CBY1: variants seen among roughly 807,000 people sequenced by gnomAD.
CBY1 encodes the protein protein chibby homolog 1.
In CBY1, 10 loss-of-function variants were observed where a neutral mutation model predicts 15.6. That is an observed-to-expected ratio of 0.64 (90% CI 0.40 to 1.09). CBY1 has a LOEUF of 1.09. Ranked by LOEUF, CBY1 falls within the 50% of genes least tolerant of loss-of-function variation. The pLI, the probability that CBY1 is intolerant of heterozygous loss-of-function variation, is 0.01. For missense variants in CBY1, 150 were observed against 160.5 expected, an observed-to-expected ratio of 0.93 and a Z score of 0.35; for synonymous variants, 61 against 63.5, an observed-to-expected ratio of 0.96 and a Z score of 0.19.
intron 1 of CBY1, among the ~76,000 whole-genome samples, chr22:38,663,855 C>T (rs1398464360): frequency 1.3e-5 from 2 of 151,540 alleles, no homozygotes; most frequent in African/African-American, 2.4e-5. Context: ...AACCCCATCT[C>T]TACTAAAAAC....
chr22:38,671,372 G>A (rs1347538573), intron 4 of CBY1, 184 bp downstream of exon 4: 4 of 589,038 alleles, frequency 6.8e-6, no homozygotes, highest in East Asian at 5.7e-5. Context: ...CAGGTGGACC[G>A]ACCGTAAGCA....
In CBY1 at chr22:38,666,219, T is replaced by TTATA. The variant is rs1434478693; in HGVS notation, c.-38-1786_-38-1783dup. On this transcript the variant is annotated intron_variant, in intron 1 of 4. Transcript: ENST00000216029. Reference sequence around the variant, plus strand: ...TGTGGTAGACTTTTCTGTATTAATGTTATATATATATATATTTTTTTTTCT... The same window carrying TTATA: ...TGTGGTAGACTTTTCTGTATTAATGTTATATATATATATATATATTTTTTTTTCT... Among the ~76,000 whole-genome samples, 923 of 129,136 alleles carry TTATA rather than the reference T, an allele frequency of 7.1e-3. 6 individuals are homozygous for TTATA. Among genetic ancestry groups the TTATA allele is most frequent in the Non-Finnish European group, 0.012 (708 of 58,836 alleles). The allele number at this position is 129,136 out of a possible 152,430, so 84.7% of individuals were successfully genotyped here.
At chr22:38,659,298 C>T (rs5757217) in intron 1 of CBY1, among the ~76,000 whole-genome samples, 44,643 of 151,002 alleles carry the variant, frequency 0.3, 6,663 homozygotes, top group East Asian at 0.36. Context: ...CTTGCTCCGT[C>T]GCCCAGGCTA....
At position 38,671,095 on chromosome 22, in the gene CBY1, C is replaced by T; in HGVS notation, c.210C>T (p.Asp70=). The change falls in exon 4 of 5, where the codon GAC becomes GAT. Residue 70 remains aspartate (D), a synonymous_variant. Coordinates refer to ENST00000216029, the MANE Select transcript of CBY1 (RefSeq NM_015373.4). ...IAETGVSGGV[D]RREVQRLRRR... ...AGACAGGGGTTAGTGGCGGTGTGGA[C>T]CGGAGGGAGGTTCAGCGCCTTCGCA... The T allele has an allele frequency of 6.2e-7, 1 of 1,614,188 alleles. No individual in the cohort carries two copies. The highest frequency in any genetic ancestry group is 8.5e-7 in the Non-Finnish European group (1 of 1,180,016).
intron 4 of CBY1, 115 bp downstream of exon 4, chr22:38,671,303 T>G: frequency 1.2e-6 from 1 of 808,774 alleles, no homozygotes; most frequent in Non-Finnish European, 2.1e-6. Context: ...GTACGTTGCT[T>G]TGCATCCAAA....
At chr22:38,670,810 G>A (rs770598604) in intron 2 of CBY1, 74 bp from the exon 3 acceptor site, 1 of 923,760 alleles carries the variant, frequency 1.1e-6, no homozygotes, top group Admixed American at 1.7e-5. Flanking sequence ...GGGTCATATT[G>A]TTGGCGGAAG....
intron 2 of CBY1, among the ~76,000 whole-genome samples, chr22:38,669,319 C>T (rs902264053): frequency 2.0e-5 from 3 of 152,146 alleles, no homozygotes; most frequent in African/African-American, 7.2e-5. Flanking sequence ...GCCCAAGCCC[C>T]GTGTGAACCT....
chr22:38,671,237 G>A, intron 4 of CBY1, 49 bp downstream of exon 4: 1 of 1,357,180 alleles, frequency 7.4e-7, no homozygotes, highest in Non-Finnish European at 1.1e-6. Context: ...TTTTGGGGAG[G>A]CTCCACCTCG....
chr22:38,666,902 C>T (rs1452137167), intron 1 of CBY1, among the ~76,000 whole-genome samples: 1 of 151,986 alleles, frequency 6.6e-6, no homozygotes, highest in East Asian at 1.9e-4. Flanking sequence ...CAGGGTTTCA[C>T]CACGTTGGCC....
intron 1 of CBY1, chr22:38,666,403 C>T (rs890621197): frequency 2.0e-5 from 3 of 152,000 alleles, no homozygotes; most frequent in African/African-American, 7.2e-5. Flanking sequence ...TGCTTCTCCC[C>T]TCCTTTTCTC....
In CBY1 at chr22:38,670,867, T is replaced by C. The variant is rs2092450397; in HGVS notation, c.79-17T>C. 1 of 1,593,764 alleles carries C rather than the reference T, an allele frequency of 6.3e-7. No homozygotes were observed. Among genetic ancestry groups the C allele is most frequent in the Non-Finnish European group, 8.6e-7 (1 of 1,161,934 alleles). On this transcript the variant is annotated splice_polypyrimidine_tract_variant and intron_variant, in intron 2 of 4. Transcript: ENST00000216029. ...TTCCGGGCCTGCTGAAGTTGTCACA[T>C]AGCATCTCGCCCACAGTTGGATCGA...
At chr22:38,660,268 C>T (rs1287393019) in intron 1 of CBY1, among the ~76,000 whole-genome samples, 2 of 151,626 alleles carry the variant, frequency 1.3e-5, no homozygotes, top group South Asian at 2.1e-4. Flanking sequence ...GATCTTGGCT[C>T]ACTGCAACCT....
intron 1 of CBY1, among the ~76,000 whole-genome samples, chr22:38,659,989 T>C (rs1014182264): frequency 6.6e-6 from 1 of 152,106 alleles, no homozygotes; most frequent in Non-Finnish European, 1.5e-5. Flanking sequence ...TCCAAGTCTT[T>C]CTGGAGTGTA....
intron 1 of CBY1, among the ~76,000 whole-genome samples, chr22:38,664,751 C>T (rs1219762469): frequency 3.9e-5 from 6 of 152,098 alleles, no homozygotes; most frequent in Admixed American, 3.9e-4. Context: ...TATATGAATG[C>T]TCTGTGACTC....
At chr22:38,662,126 A>T (rs2092423762) in intron 1 of CBY1, among the ~76,000 whole-genome samples, 1 of 151,962 alleles carries the variant, frequency 6.6e-6, no homozygotes, top group African/African-American at 2.4e-5. Context: ...ACATGGCGAA[A>T]CCCCGTCTCT....
At chr22:38,668,304 C>T (rs958845807) in intron 2 of CBY1, 172 bp downstream of exon 2, 4 of 556,386 alleles carry the variant, frequency 7.2e-6, no homozygotes, top group Non-Finnish European at 1.3e-5. Context: ...GAATGATCGT[C>T]AGAGCTTGTT....
chr22:38,662,310 A>T (rs1372211409), intron 1 of CBY1, among the ~76,000 whole-genome samples: 2 of 151,346 alleles, frequency 1.3e-5, no homozygotes, highest in Non-Finnish European at 2.9e-5. Context: ...TCAAAAAAAA[A>T]AATAAATAAA....
At chr22:38,657,593 C>T (rs1186993006) in intron 1 of CBY1, among the ~76,000 whole-genome samples, 1 of 152,374 alleles carries the variant, frequency 6.6e-6, no homozygotes, top group Middle Eastern at 3.4e-3. Flanking sequence ...TTAGATCTGA[C>T]TTAAAAGGTA....
intron 1 of CBY1, among the ~76,000 whole-genome samples, chr22:38,658,445 A>T (rs4820340): frequency 0.082 from 11,997 of 146,986 alleles, 635 homozygotes; most frequent in East Asian, 0.2. Flanking sequence ...TTTAATACAC[A>T]CATATATTAC....
Sources: allele counts gnomAD v4.1 joint callset (sites outside exome capture counted in the v4.1 genomes callset), GRCh38; gene constraint gnomAD v4.1.1; transcripts MANE v1.5; gene names NCBI Gene and HGNC (gene_info 2026-07-23, HGNC 2026-07-21).